SPSB1: variants seen among roughly 807,000 people sequenced by gnomAD.
SPSB1 encodes the protein splA/ryanodine receptor domain and SOCS box containing 1, also known as SPRY domain-containing SOCS box protein 1.
A neutral mutation model predicts 21.2 loss-of-function variants in SPSB1; 8 were observed. The observed-to-expected ratio is 0.38, with a 90% CI of 0.22 to 0.68. SPSB1 has a LOEUF of 0.68. SPSB1 is among the 30% of genes least tolerant of loss of function. The pLI is 0.53. For missense variants in SPSB1, 242 were observed against 377.8 expected, an observed-to-expected ratio of 0.64 and a Z score of 2.98; for synonymous variants, 169 against 161.7, an observed-to-expected ratio of 1.05 and a Z score of -0.34.
At chr1:9,314,094 T>G (rs1639569221) in intron 1 of SPSB1, among the ~76,000 whole-genome samples, 1 of 150,792 alleles carries the variant, frequency 6.6e-6, no homozygotes, top group Non-Finnish European at 1.5e-5. Flanking sequence ...GAGAATTGCT[T>G]GAACCAAGGA....
chr1:9,343,351 G>A lies in SPSB1; in HGVS notation c.-149-12392G>A, dbSNP rs75076030. 6.2e-4 allele frequency among the ~76,000 whole-genome samples: 88 copies of A among 142,476 alleles called. 1 individual carries two copies. In the East Asian group the frequency reaches 9.8e-3, roughly 16 times the overall value. 93.5% of individuals were successfully genotyped at this position (142,476 alleles called of 152,430 possible). A position where few individuals can be genotyped will look rare whatever the true frequency, so the allele number is the denominator to read the frequency against. ...CTGGTCATTTCGTCGAAAGGGAATC[G>A]TACAATGTGTGACCTTTTATATCTG... is the stretch of plus-strand genomic sequence containing the variant. On this transcript the variant is annotated intron_variant, in intron 1 of 2. Transcript: ENST00000328089.
At chr1:9,303,847 T>G (rs1047676070) in intron 1 of SPSB1, among the ~76,000 whole-genome samples, 79 of 152,220 alleles carry the variant, frequency 5.2e-4, no homozygotes, top group African/African-American at 1.9e-3. Context: ...TTGACTAGAC[T>G]AAGGAATACC....
intron 1 of SPSB1, among the ~76,000 whole-genome samples, chr1:9,296,889 C>A (rs138044973): frequency 6.6e-6 from 1 of 152,328 alleles, no homozygotes; most frequent in Admixed American, 6.5e-5. Flanking sequence ...CTTTGGGAAG[C>A]TGCCTGTTTG....
In SPSB1 at chr1:9,356,008, G is replaced by C; in HGVS notation, c.117G>C (p.Leu39=). 1 of 1,614,164 alleles carries C rather than the reference G, an allele frequency of 6.2e-7. No homozygotes were observed. The highest frequency in any genetic ancestry group is 8.5e-7 in the Non-Finnish European group (1 of 1,180,024). Residue 39 remains leucine (L), a synonymous_variant, in exon 2 of 3, where the codon CTG becomes CTC. Coordinates refer to ENST00000328089, the MANE Select transcript of SPSB1 (RefSeq NM_025106.4). This position sits in a 1 kb window ranked among gnomAD's most constrained non-coding sequence, Gnocchi z 7.4. ...LDYCKPTRLD[L]LLDMPPVSYD... ...ACTGCAAGCCCACCCGGCTGGATCTGCTACTGGACATGCCCCCTGTGTCCT... is the reference window on the plus strand; with the variant it reads ...ACTGCAAGCCCACCCGGCTGGATCTCCTACTGGACATGCCCCCTGTGTCCT...
At chr1:9,353,852 A>T (rs976092941) in intron 1 of SPSB1, among the ~76,000 whole-genome samples, 12 of 151,014 alleles carry the variant, frequency 7.9e-5, no homozygotes, top group Non-Finnish European at 1.6e-4. Flanking sequence ...CAGGAAGCGG[A>T]GGTTGCAGTG....
chr1:9,293,000 G>T lies in SPSB1; in HGVS notation c.-221G>T. 2.0e-6 allele frequency: 2 copies of T among 982,628 alleles called. No individual in the cohort carries two copies. Among genetic ancestry groups the T allele is most frequent in the South Asian group, 4.6e-5 (1 of 21,862 alleles). The allele number at this position is 982,628 out of a possible 1,614,324, so 60.9% of individuals were successfully genotyped here. ...GGGAGGAGGCGACTTCGCTCCCTGC[G>T]GCGGGCGCGGCCCGGGCGCCCGAGC... On this transcript the variant is annotated 5_prime_UTR_variant, in exon 1 of 3. Coordinates refer to ENST00000328089, the MANE Select transcript of SPSB1 (RefSeq NM_025106.4).
intron 1 of SPSB1, among the ~76,000 whole-genome samples, chr1:9,354,064 G>A (rs537575913): frequency 3.2e-4 from 49 of 152,276 alleles, no homozygotes; most frequent in Non-Finnish European, 6.0e-4. Flanking sequence ...AGACCTGGCC[G>A]CCCCGGGAAC....
chr1:9,335,580 G>A (rs1221896620), intron 1 of SPSB1, among the ~76,000 whole-genome samples: 2 of 152,126 alleles, frequency 1.3e-5, no homozygotes, highest in African/African-American at 4.8e-5. Flanking sequence ...ATTCCAAGGT[G>A]GGAGGGTTAC....
intron 2 of SPSB1, among the ~76,000 whole-genome samples, chr1:9,361,172 T>TTTTTC: frequency 2.8e-5 from 4 of 143,708 alleles, no homozygotes; most frequent in African/African-American, 1.0e-4. Context: ...TTTTTTTTTT[T>TTTTTC]TTTTTTTTTT....
At chr1:9,359,061 C>T (rs577517243) in intron 2 of SPSB1, among the ~76,000 whole-genome samples, 222 of 152,298 alleles carry the variant, frequency 1.5e-3, no homozygotes, top group South Asian at 7.5e-3. Flanking sequence ...ATTCGGGAAC[C>T]GCATCTGTGA....
chr1:9,339,599 G>A (rs889650142), intron 1 of SPSB1, among the ~76,000 whole-genome samples: 8 of 152,308 alleles, frequency 5.3e-5, no homozygotes, highest in Middle Eastern at 3.4e-3. Flanking sequence ...AGCAGGGCTG[G>A]TGTGGCCACT....
Position 9,345,019 on chromosome 1 carries a change from C to T in SPSB1, c.-149-10724C>T, listed in dbSNP as rs74051631. Among the ~76,000 whole-genome samples the T allele has an allele frequency of 0.047, 7,142 of 152,218 alleles. 346 individuals are homozygous for T. The highest frequency in any genetic ancestry group is 0.13 in the African/African-American group (5,370 of 41,502). ...CGGATCCCCTATGTCCAAGAGACTG[C>T]CTTGTTGGGGGAAAGTGGCAGACTT... On this transcript the variant is annotated intron_variant, in intron 1 of 2. Coordinates refer to ENST00000328089, the MANE Select transcript of SPSB1 (RefSeq NM_025106.4). This position sits in a 1 kb window ranked among gnomAD's most constrained non-coding sequence, Gnocchi z 4.8.
intron 1 of SPSB1, among the ~76,000 whole-genome samples, chr1:9,308,163 G>C (rs141033487): frequency 3.9e-5 from 6 of 152,334 alleles, no homozygotes; most frequent in South Asian, 4.1e-4. Context: ...AGGCCCAAAG[G>C]GGGTGGACTG....
rs1639773065 is a variant in SPSB1 at position 9,324,117 on chromosome 1, T to C, written c.-150+31046T>C. On this transcript the variant is annotated intron_variant, in intron 1 of 2. Transcript: ENST00000328089. This position sits in a 1 kb window ranked among gnomAD's most constrained non-coding sequence, Gnocchi z 4.3. ...CCACCTTTTTTCCTAGGTTTTTCAG[T>C]CCATATCTTTTTTTGTGTGCCAAAG... 2.6e-5 allele frequency among the ~76,000 whole-genome samples: 4 copies of C among 152,182 alleles called. No individual in the cohort carries two copies. Among genetic ancestry groups the C allele is most frequent in the African/African-American group, 9.7e-5 (4 of 41,428 alleles).
intron 2 of SPSB1, among the ~76,000 whole-genome samples, chr1:9,366,340 C>T (rs558641390): frequency 6.6e-6 from 1 of 152,368 alleles, no homozygotes; most frequent in Non-Finnish European, 1.5e-5. Context: ...CACTGTCAGA[C>T]AGAAGCACAG....
chr1:9,309,285 A>T (rs1008627953), intron 1 of SPSB1, among the ~76,000 whole-genome samples: 7 of 104,094 alleles, frequency 6.7e-5, no homozygotes, highest in Middle Eastern at 9.7e-3. Flanking sequence ...AGAGAGTGTG[A>T]GAGAGAGAGA....
intron 1 of SPSB1, among the ~76,000 whole-genome samples, chr1:9,303,047 C>G (rs9725856): frequency 0.036 from 5,439 of 152,220 alleles, 278 homozygotes; most frequent in African/African-American, 0.12. Flanking sequence ...CTTCTTTGGG[C>G]TCCCTGTGCC....
chr1:9,333,545 G>A (rs146261197), intron 1 of SPSB1, among the ~76,000 whole-genome samples: 59 of 152,104 alleles, frequency 3.9e-4, no homozygotes, highest in African/African-American at 1.4e-3. Flanking sequence ...TGGGCAGGCT[G>A]GTCTCGAACT....
At chr1:9,307,652 G>T (rs1277171992) in intron 1 of SPSB1, among the ~76,000 whole-genome samples, 1 of 152,206 alleles carries the variant, frequency 6.6e-6, no homozygotes, top group Non-Finnish European at 1.5e-5. Context: ...TAAGAGGTTG[G>T]CTGGGAAATA....
Sources: gnomAD v4.1 joint callset for allele counts (sites outside exome capture counted in the v4.1 genomes callset) on GRCh38, gnomAD v4.1.1 for gene constraint, Gnocchi (gnomAD v3.1) non-coding constraint, MANE v1.5 for transcripts, NCBI Gene and HGNC (gene_info 2026-07-23, HGNC 2026-07-21) for gene names.